Variants in PLA2G6 observed in about 807,000 individuals in gnomAD.
PLA2G6 encodes phospholipase A2 group VI.
A neutral mutation model predicts 83.8 loss-of-function variants in PLA2G6; 62 were observed. The ratio of observed to expected loss-of-function variants is 0.74; its 90% CI spans 0.60 to 0.91. The LOEUF (loss-of-function observed/expected upper bound fraction) is 0.91. Among genes scored for constraint, PLA2G6 ranks in the 40% least tolerant of loss-of-function variants. PLA2G6 has a pLI of 0.00. For missense variants in PLA2G6, 944 were observed against 1,102.0 expected (o/e 0.86, Z 2.03); for synonymous variants, 417 against 449.8 (o/e 0.93, Z 0.92).
chr22:38,147,278 T>C (rs909380248), intron 2 of PLA2G6: 3 of 159,910 alleles, frequency 1.9e-5, no homozygotes, highest in African/African-American at 4.8e-5. Flanking sequence ...CCATAACCAT[T>C]ATATGTCAGT....
At chr22:38,112,448 G>T in intron 16 of PLA2G6, 56 bp downstream of exon 16, 1 of 1,515,404 alleles carries the variant, frequency 6.6e-7, no homozygotes, top group African/African-American at 1.4e-5. Context: ...GGGAAGGTCG[G>T]TGAGTCCGAC....
chr22:38,145,784 A>AAAACACACACACACAC (rs1404075901), intron 2 of PLA2G6, 131 bp from the exon 3 acceptor site: 1 of 429,266 alleles, frequency 2.3e-6, no homozygotes, highest in Non-Finnish European at 4.2e-6. Flanking sequence ...CTCCCAAGCA[A>AAAACACACACACACAC]ACACACACAC....
chr22:38,145,461 G>T lies in PLA2G6; in HGVS notation c.402C>A (p.Cys134Ter). 1 of 1,609,732 alleles carries T rather than the reference G, an allele frequency of 6.2e-7. No individual in the cohort carries two copies. The highest frequency in any genetic ancestry group is 8.5e-7 in the Non-Finnish European group (1 of 1,178,788). Residue 134 changes from cysteine (C) to a stop codon, truncating the protein, a stop_gained, in exon 3 of 17, where the codon TGC (cysteine) becomes TGA (stop). Transcript: ENST00000332509. LOFTEE classifies it high-confidence loss of function. ...HLAVELGIRE[C>*]FHHSRIISCA... ...ACCTGATGATACGGCTGTGATGGAAGCACTCGCGGATCCCTAGCTCCACAG... is the reference window on the plus strand; with the variant it reads ...ACCTGATGATACGGCTGTGATGGAATCACTCGCGGATCCCTAGCTCCACAG...
At chr22:38,175,429 G>A (rs904742247) in intron 1 of PLA2G6, among the ~76,000 whole-genome samples, 8 of 151,592 alleles carry the variant, frequency 5.3e-5, no homozygotes, top group African/African-American at 1.7e-4. Context: ...ATCCATGAGA[G>A]CTGGCCCAAC....
At chr22:38,143,519 C>G (rs2089049634) in intron 3 of PLA2G6, 2 of 621,200 alleles carry the variant, frequency 3.2e-6, no homozygotes, top group East Asian at 5.8e-5. Context: ...GAGATGGGCC[C>G]CAGGGCCACA....
chr22:38,112,607 G>A, intron 15 of PLA2G6, 30 bp from the exon 16 acceptor site: 1 of 1,536,542 alleles, frequency 6.5e-7, no homozygotes, highest in African/African-American at 1.4e-5. Context: ...GTGAGTGCCG[G>A]GCCCACACCC....
chr22:38,127,217 C>T (rs2087914332), intron 9 of PLA2G6: 1 of 1,192,462 alleles, frequency 8.4e-7, no homozygotes, highest in South Asian at 1.5e-5. Flanking sequence ...GCGGTGTCTC[C>T]CCCTCCCCAG....
In PLA2G6 at chr22:38,112,126, G is replaced by A. The variant is rs532364258; in HGVS notation, c.*35C>T. ...TTGGCCTGGCAGGGGCTGAATGGAC[G>A]AGGTCAGCTGGGGCCGGTGAGAGGC... On this transcript the variant is annotated 3_prime_UTR_variant, in exon 17 of 17. Transcript: ENST00000332509. The A allele has an allele frequency of 6.5e-5, 102 of 1,558,996 alleles. 1 individual carries two copies. In the South Asian group the frequency reaches 8.7e-4, roughly 13 times the overall value.
Position 38,128,398 on chromosome 22 carries a change from T to C in PLA2G6, c.1219A>G (p.Arg407Gly). The C allele has an allele frequency of 6.2e-7, 1 of 1,614,118 alleles. No individual in the cohort carries two copies. Residue 407 changes from arginine to glycine, a missense_variant, in exon 9 of 17, where the codon AGA (arginine) becomes GGA (glycine). Transcript: ENST00000332509. This position sits in a 1 kb window ranked among gnomAD's most constrained non-coding sequence, Gnocchi z 4.4. ...VTRKAILTLL[R>G]TVGAEYCFPP... ...AAGCAGTATTCGGCCCCCACGGTTC[T>C]CAGCAGAGTCAAGATCGCCTTCCTG... is the stretch of plus-strand genomic sequence containing the variant.
intron 12 of PLA2G6, among the ~76,000 whole-genome samples, chr22:38,119,358 G>A (rs1465891721): frequency 6.6e-6 from 1 of 152,182 alleles, no homozygotes; most frequent in Non-Finnish European, 1.5e-5. Flanking sequence ...ATGGGGCTGG[G>A]AAAAATTGGC....
intron 5 of PLA2G6, chr22:38,139,429 T>G (rs2088757747): frequency 6.6e-6 from 1 of 151,262 alleles, no homozygotes; most frequent in Non-Finnish European, 1.5e-5. Context: ...ATTTATTTAT[T>G]TATTTATTTA....
At chr22:38,173,514 GGT>G (rs2090515534) in intron 1 of PLA2G6, among the ~76,000 whole-genome samples, 1 of 152,008 alleles carries the variant, frequency 6.6e-6, no homozygotes, top group Non-Finnish European at 1.5e-5. Flanking sequence ...TACCAATTTT[GGT>G]GCCCCTGCTG....
At chr22:38,180,325 C>T (rs1044774285) in intron 1 of PLA2G6, 1 of 152,176 alleles carries the variant, frequency 6.6e-6, no homozygotes, top group Non-Finnish European at 1.5e-5. Context: ...AGTAGCAAAC[C>T]TTACACATCA....
rs572281148 is a variant in PLA2G6 at position 38,162,192 on chromosome 22, G to A, written c.209+7026C>T. 6.1e-4 allele frequency among the ~76,000 whole-genome samples: 79 copies of A among 130,204 alleles called. 1 individual carries two copies. Among genetic ancestry groups the A allele is most frequent in the African/African-American group, 2.1e-3 (75 of 34,900 alleles). 85.4% of individuals were successfully genotyped at this position (130,204 alleles called of 152,430 possible). A position where few individuals can be genotyped will look rare whatever the true frequency, so the allele number is the denominator to read the frequency against. On this transcript the variant is annotated intron_variant, in intron 2 of 16. Transcript: ENST00000332509. ...CCACTGCACTCCAGCCTGGGCAACA[G>A]AGCGAGACTCTGTGTCAAAAAAAAA...
intron 14 of PLA2G6, among the ~76,000 whole-genome samples, chr22:38,114,149 G>C (rs1241932617): frequency 6.6e-6 from 1 of 151,952 alleles, no homozygotes. Flanking sequence ...GGAAGTAGGG[G>C]CTAAGGCTTG....
chr22:38,159,471 G>A (rs1235884955), intron 2 of PLA2G6, among the ~76,000 whole-genome samples: 4 of 152,132 alleles, frequency 2.6e-5, no homozygotes, highest in African/African-American at 4.8e-5. Context: ...ACTCATGCCT[G>A]TAATCCCAGC....
At chr22:38,120,669 C>G (rs776524233) in intron 12 of PLA2G6, 90 bp downstream of exon 12, 72 of 1,494,028 alleles carry the variant, frequency 4.8e-5, no homozygotes, top group Non-Finnish European at 6.6e-5. Flanking sequence ...GCTCTTCCCC[C>G]TCCCTCAGCA....
Position 38,132,652 on chromosome 22 carries a change from G to A in PLA2G6, c.1077+179C>T, listed in dbSNP as rs1030001843. 52 of 619,780 alleles carry A rather than the reference G, an allele frequency of 8.4e-5. No homozygotes were observed. Among genetic ancestry groups the A allele is most frequent in the Non-Finnish European group, 1.3e-4 (47 of 351,944 alleles). 38.4% of individuals were successfully genotyped at this position (619,780 alleles called of 1,614,324 possible). On this transcript the variant is annotated intron_variant, in intron 7 of 16. Transcript: ENST00000332509. The surrounding 1 kb of genome is among the most constrained non-coding windows in gnomAD (Gnocchi z 5.0). ...AGGTGGTGTTATTTTGGGCTGAGAGGGGGACTTGGAAGGCTTCCTGAGGGA... is the reference window on the plus strand; with the variant it reads ...AGGTGGTGTTATTTTGGGCTGAGAGAGGGACTTGGAAGGCTTCCTGAGGGA...
chr22:38,145,330 T>C (rs141481568), intron 3 of PLA2G6, 108 bp downstream of exon 3: 225 of 940,688 alleles, frequency 2.4e-4, no homozygotes, highest in Admixed American at 4.2e-4. Flanking sequence ...TGCCAGGCCC[T>C]GCTCCTTTTT....
Sources: allele counts gnomAD v4.1 joint callset (sites outside exome capture counted in the v4.1 genomes callset), GRCh38; gene constraint gnomAD v4.1.1; non-coding constraint Gnocchi (gnomAD v3.1); transcripts MANE v1.5; gene names NCBI Gene and HGNC (gene_info 2026-07-23, HGNC 2026-07-21).